The following TPH2 variants were observed in gnomAD, a reference collection of about 807,000 sequenced individuals.
TPH2 encodes the protein tryptophan hydroxylase 2.
TPH2 carries 27 observed loss-of-function variants against 59.1 expected under a neutral mutation model. The ratio of observed to expected loss-of-function variants is 0.46; its 90% confidence interval spans 0.34 to 0.63. TPH2 has a LOEUF of 0.63. Among genes scored for constraint, TPH2 ranks in the 30% least tolerant of loss-of-function variants. The probability of loss-of-function intolerance (pLI) is 0.01; values close to 1 mark genes in which losing one functional copy is unlikely to be tolerated. For missense variants in TPH2, 523 were observed against 588.3 expected (o/e 0.89, Z 1.15); for synonymous variants, 220 against 210.5 (o/e 1.05, Z -0.39).
intron 5 of TPH2, among the ~76,000 whole-genome samples, chr12:71,959,162 CA>C (rs1871604861): frequency 6.6e-6 from 1 of 151,540 alleles, no homozygotes; most frequent in South Asian, 2.1e-4. Context: ...CTGTGCAGTG[CA>C]TTTTAAGATA....
chr12:71,948,504 C>A (rs11179002), intron 4 of TPH2, among the ~76,000 whole-genome samples: 2 of 152,106 alleles, frequency 1.3e-5, no homozygotes, highest in African/African-American at 4.8e-5. Context: ...CCAGTTCTCT[C>A]CAGCCAGGCA....
chr12:71,965,153 T>G (rs1871783229), intron 5 of TPH2: 1 of 152,244 alleles, frequency 6.6e-6, no homozygotes, highest in African/African-American at 2.4e-5. Context: ...CCATCGTGTA[T>G]ATGTACCACA....
chr12:71,949,487 A>G (rs1871286066), intron 4 of TPH2, 101 bp from the exon 5 acceptor site: 2 of 941,054 alleles, frequency 2.1e-6, no homozygotes, highest in Non-Finnish European at 3.4e-6. Context: ...TAAGATTTAC[A>G]TATGAATTGA....
intron 8 of TPH2, among the ~76,000 whole-genome samples, chr12:71,998,508 A>T (rs1872747249): frequency 6.6e-6 from 1 of 152,202 alleles, no homozygotes; most frequent in Admixed American, 6.6e-5. Flanking sequence ...CTTGAAAAAA[A>T]ACCCCACAGA....
chr12:71,978,576 A>G (rs2139208185), intron 6 of TPH2, among the ~76,000 whole-genome samples: 1 of 152,362 alleles, frequency 6.6e-6, no homozygotes, highest in East Asian at 1.9e-4. Flanking sequence ...TGCACACAGA[A>G]GAGATCCCTA....
chr12:72,031,133 A>G, intron 9 of TPH2, 125 bp from the exon 10 acceptor site: 7 of 1,275,876 alleles, frequency 5.5e-6, no homozygotes, highest in Non-Finnish European at 8.0e-6. Context: ...ATATTTCATG[A>G]CAGACTAGTA....
rs138297413 is a variant in TPH2 at position 72,004,008 on chromosome 12, C to T, written c.1068+9443C>T. On this transcript the variant is annotated intron_variant, in intron 8 of 10. Transcript: ENST00000333850. The stretch of plus-strand genomic sequence containing the variant: ...CTCTGTTCATGTGCTGAGTTGAGTG[C>T]TGAACCCACCATGCTTTGCACACAC... Among the ~76,000 whole-genome samples the T allele has an allele frequency of 8.6e-4, 131 of 152,220 alleles. 9 individuals are homozygous for T. The East Asian group carries it at 0.014, about 16-fold the overall frequency.
chr12:71,998,760 T>C (rs1872753132), intron 8 of TPH2, among the ~76,000 whole-genome samples: 1 of 152,108 alleles, frequency 6.6e-6, no homozygotes, highest in Admixed American at 6.5e-5. Context: ...TTCCTCAAAG[T>C]TGTTCACATT....
chr12:71,950,716 T>C (rs1592862219), intron 5 of TPH2, among the ~76,000 whole-genome samples: 1 of 152,146 alleles, frequency 6.6e-6, no homozygotes, highest in Non-Finnish European at 1.5e-5. Flanking sequence ...CCTACCCCAA[T>C]TGAGAGTAGG....
intron 7 of TPH2, among the ~76,000 whole-genome samples, chr12:71,983,177 T>G (rs1480390886): frequency 6.6e-6 from 1 of 152,144 alleles, no homozygotes; most frequent in Non-Finnish European, 1.5e-5. Flanking sequence ...GTTTTCCTGG[T>G]GGGAGGAGTT....
chr12:72,017,933 C>G (rs779960925), intron 8 of TPH2, among the ~76,000 whole-genome samples: 14 of 152,132 alleles, frequency 9.2e-5, no homozygotes, highest in Non-Finnish European at 4.4e-5. Context: ...CCTATGCATT[C>G]TGAGGTCTTC....
At chr12:71,959,602 A>G (rs1014702217) in intron 5 of TPH2, among the ~76,000 whole-genome samples, 3 of 152,194 alleles carry the variant, frequency 2.0e-5, no homozygotes, top group Non-Finnish European at 2.9e-5. Context: ...TTCTCATTTC[A>G]TGAGAGAAGA....
At chr12:72,027,594 A>G (rs902892147) in intron 9 of TPH2, among the ~76,000 whole-genome samples, 1 of 152,214 alleles carries the variant, frequency 6.6e-6, no homozygotes, top group Non-Finnish European at 1.5e-5. Flanking sequence ...TCTTAACCAT[A>G]AAGACCTGTA....
intron 5 of TPH2, chr12:71,961,588 A>G: frequency 7.4e-7 from 1 of 1,352,080 alleles, no homozygotes; most frequent in Non-Finnish European, 9.8e-7. Flanking sequence ...GGCGACTGGG[A>G]ATTTCAGCTC....
intron 8 of TPH2, among the ~76,000 whole-genome samples, chr12:72,001,392 T>A (rs1310124595): frequency 6.6e-6 from 1 of 152,170 alleles, no homozygotes; most frequent in East Asian, 1.9e-4. Flanking sequence ...GCAAATGTAT[T>A]TGGACAACAC....
rs899156318 is a variant in TPH2, at chr12:72,031,343, A to G, written c.1250A>G (p.Glu417Gly). The change falls in exon 10 of 11, where the codon GAA becomes GGA. Residue 417 changes from glutamate (E) to glycine (G), a missense_variant. Transcript: ENST00000333850. The stretch of plus-strand genomic sequence containing the variant: ...GAATGCCTTATCACCACCTTCCAGG[A>G]AGCCTACTTTGTTTCAGAAAGTTTT... ...LQECLITTFQ[E>G]AYFVSESFEE... 9.9e-6 allele frequency: 16 copies of G among 1,613,648 alleles called. No individual in the cohort carries two copies. The highest frequency in any genetic ancestry group is 1.7e-5 in the Admixed American group (1 of 59,974).
intron 2 of TPH2, among the ~76,000 whole-genome samples, chr12:71,943,475 A>T (rs1871126276): frequency 6.6e-6 from 1 of 152,330 alleles, no homozygotes; most frequent in Non-Finnish European, 1.5e-5. Context: ...CCTGATTTTT[A>T]AATATTAAAT....
intron 4 of TPH2, among the ~76,000 whole-genome samples, chr12:71,948,273 A>G (rs745971760): frequency 1.3e-5 from 2 of 152,114 alleles, no homozygotes; most frequent in Admixed American, 6.6e-5. Context: ...AAGCCTGCCT[A>G]TGAACCCCAG....
intron 8 of TPH2, among the ~76,000 whole-genome samples, chr12:72,016,725 G>A (rs757210441): frequency 1.1e-4 from 17 of 152,130 alleles, no homozygotes; most frequent in Admixed American, 6.6e-4. Flanking sequence ...TAGGGAAGGC[G>A]ATAGGGAAAA....
Sources: gnomAD v4.1 joint callset for allele counts (sites outside exome capture counted in the v4.1 genomes callset) on GRCh38, gnomAD v4.1.1 for gene constraint, MANE v1.5 for transcripts, NCBI Gene and HGNC (gene_info 2026-07-23, HGNC 2026-07-21) for gene names.